The following UGGT2 variants were observed in gnomAD, a reference collection of about 807,000 sequenced individuals.
The protein encoded by UGGT2 is UDP-glucose glycoprotein glucosyltransferase 2.
Under a neutral mutation model 192.1 loss-of-function variants are expected in UGGT2, and 180 were observed. That is an observed-to-expected ratio of 0.94 (90% CI 0.83 to 1.06). The LOEUF is 1.06. UGGT2 is among the 50% of genes least tolerant of loss of function. UGGT2 has a pLI of 0.00. For missense variants in UGGT2, 1,849 were observed against 1,795.7 expected (o/e 1.03, Z -0.54); for synonymous variants, 580 against 591.0 (o/e 0.98, Z 0.27).
chr13:95,862,834 T>A (rs1890286348), intron 31 of UGGT2, among the ~76,000 whole-genome samples: 1 of 152,138 alleles, frequency 6.6e-6, no homozygotes, highest in Non-Finnish European at 1.5e-5. Flanking sequence ...ACTCCTGGAT[T>A]CTTTAGATAT....
intron 5 of UGGT2, among the ~76,000 whole-genome samples, chr13:95,999,937 T>G (rs1045991556): frequency 1.3e-5 from 2 of 152,216 alleles, no homozygotes; most frequent in Non-Finnish European, 2.9e-5. Flanking sequence ...TTTAGTACCT[T>G]TATTTTATTC....
chr13:96,030,612 C>T (rs1343400010), intron 2 of UGGT2, among the ~76,000 whole-genome samples: 1 of 152,150 alleles, frequency 6.6e-6, no homozygotes, highest in Non-Finnish European at 1.5e-5. Context: ...ACATCTGAAA[C>T]TTAGTTTATC....
intron 1 of UGGT2, among the ~76,000 whole-genome samples, chr13:96,032,643 A>C (rs1364882608): frequency 6.6e-6 from 1 of 152,202 alleles, no homozygotes; most frequent in African/African-American, 2.4e-5. Context: ...GCTAAAACAA[A>C]TAGGGTTAAA....
chr13:95,878,867 T>G (rs2140169444), intron 27 of UGGT2, among the ~76,000 whole-genome samples: 1 of 152,298 alleles, frequency 6.6e-6, no homozygotes, highest in Non-Finnish European at 1.5e-5. Flanking sequence ...ATTTTACTGG[T>G]TTTAAGAACA....
chr13:95,846,275 A>G lies in UGGT2; in HGVS notation c.4284+7268T>C, dbSNP rs539909083. Among the ~76,000 whole-genome samples, 696 of 152,146 alleles carry G rather than the reference A, an allele frequency of 4.6e-3. 5 individuals are homozygous for G. The highest frequency in any genetic ancestry group is 0.016 in the African/African-American group (668 of 41,542). Reference sequence around the variant, plus strand: ...CCGTCTCCACCAAAAAAATATGAAAACCAGTCAGGCGTGGCAGCGCGCGCC... The same window carrying G: ...CCGTCTCCACCAAAAAAATATGAAAGCCAGTCAGGCGTGGCAGCGCGCGCC... On this transcript the variant is annotated intron_variant, in intron 36 of 38. Transcript: ENST00000376747.
chr13:95,902,673 C>T (rs7334320), intron 21 of UGGT2, among the ~76,000 whole-genome samples, 181 bp downstream of exon 21: 128,720 of 152,044 alleles, frequency 0.85, 54,691 homozygotes, highest in East Asian at 0.93. Flanking sequence ...ATCTGATTTA[C>T]TAAATGCCTC....
At chr13:96,034,138 T>C (rs539489689) in intron 1 of UGGT2, among the ~76,000 whole-genome samples, 1 of 152,272 alleles carries the variant, frequency 6.6e-6, no homozygotes, top group South Asian at 2.1e-4. Flanking sequence ...GATAATGAGA[T>C]GACCTGCCTG....
rs565525283 is a variant in UGGT2, at chr13:95,802,919, C to T, written c.4529-1107G>A. On this transcript the variant is annotated intron_variant, in intron 38 of 38. Coordinates refer to ENST00000376747, the MANE Select transcript of UGGT2 (RefSeq NM_020121.4). ...TGTGATCTCAGCTCACTGCAAGCTC[C>T]GCCTCCTGGGTTCACACCATTCTCC... 1.2e-4 allele frequency among the ~76,000 whole-genome samples: 19 copies of T among 152,252 alleles called. 1 individual carries two copies. The highest frequency in any genetic ancestry group is 1.4e-4 in the African/African-American group (6 of 41,534).
At chr13:95,966,935 C>T (rs1461636860) in intron 12 of UGGT2, among the ~76,000 whole-genome samples, 1 of 152,114 alleles carries the variant, frequency 6.6e-6, no homozygotes, top group Non-Finnish European at 1.5e-5. Flanking sequence ...TATTTATAAA[C>T]ATAATTTTCA....
chr13:95,803,983 T>C (rs1884185082), intron 38 of UGGT2, among the ~76,000 whole-genome samples: 1 of 151,284 alleles, frequency 6.6e-6, no homozygotes, highest in South Asian at 2.1e-4. Flanking sequence ...TTAGAAAAAA[T>C]CCACGAAACC....
intron 16 of UGGT2, 59 bp from the exon 17 acceptor site, chr13:95,937,147 A>G (rs1405530065): frequency 2.0e-6 from 3 of 1,528,958 alleles, no homozygotes; most frequent in Non-Finnish European, 2.6e-6. Context: ...AATAATAAAC[A>G]TAAGAAAATG....
chr13:95,858,778 T>C (rs149409242), intron 33 of UGGT2, among the ~76,000 whole-genome samples: 10 of 152,306 alleles, frequency 6.6e-5, no homozygotes, highest in African/African-American at 2.4e-4. Context: ...CTGTGCAAGC[T>C]AGTTACGTAA....
Position 95,936,937 on chromosome 13 carries a change from C to CT in UGGT2, c.1963dup (p.Arg655LysfsTer10), listed in dbSNP as rs773876132. ...ATGCTTACCTACCAAAAAAACTTCT[C>CT]TTTGTAAATATACAGATGCATCCAT... On this transcript the variant is annotated frameshift_variant, in exon 17 of 39. Transcript: ENST00000376747. LOFTEE classifies it high-confidence loss of function. 3 of 1,532,694 alleles carry CT rather than the reference C, an allele frequency of 2.0e-6. No homozygotes were observed. Among genetic ancestry groups the CT allele is most frequent in the Middle Eastern group, 1.8e-4 (1 of 5,642 alleles). The allele number at this position is 1,532,694 out of a possible 1,614,324, so 94.9% of individuals were successfully genotyped here.
rs1432654178 is a variant in UGGT2, at chr13:95,853,666, A to G, written c.4170-9T>C. 2 of 1,532,796 alleles carry G rather than the reference A, an allele frequency of 1.3e-6. No homozygotes were observed. Among genetic ancestry groups the G allele is most frequent in the African/African-American group, 1.4e-5 (1 of 70,680 alleles). 94.9% of individuals were successfully genotyped at this position (1,532,796 alleles called of 1,614,324 possible). ...CCACTACATATAAAGCACTGCAAAA[A>G]TGAATTACTTCTTGATAGCCTATGT... On this transcript the variant is annotated splice_polypyrimidine_tract_variant and intron_variant, in intron 35 of 38. Coordinates refer to ENST00000376747, the MANE Select transcript of UGGT2 (RefSeq NM_020121.4).
At chr13:95,952,217 GA>G (rs1219516408) in intron 12 of UGGT2, among the ~76,000 whole-genome samples, 2 of 151,746 alleles carry the variant, frequency 1.3e-5, no homozygotes, top group Admixed American at 6.6e-5. Flanking sequence ...AAAAAAAGAA[GA>G]AAAAAAGAAA....
At chr13:96,004,298 G>C (rs138129981) in intron 5 of UGGT2, among the ~76,000 whole-genome samples, 1 of 152,028 alleles carries the variant, frequency 6.6e-6, no homozygotes. Flanking sequence ...AAAATGTAAT[G>C]ATCAAATCAG....
intron 2 of UGGT2, among the ~76,000 whole-genome samples, chr13:96,029,264 T>C (rs1221154025): frequency 1.3e-5 from 2 of 152,144 alleles, no homozygotes; most frequent in East Asian, 1.9e-4. Flanking sequence ...ATAAAGCCAA[T>C]AGAATTATAT....
chr13:95,810,935 A>G (rs1484381858), intron 38 of UGGT2, among the ~76,000 whole-genome samples: 1 of 152,206 alleles, frequency 6.6e-6, no homozygotes, highest in East Asian at 1.9e-4. Context: ...CAATTCAAAA[A>G]TGGGCAAAGG....
intron 23 of UGGT2, among the ~76,000 whole-genome samples, 188 bp from the exon 24 acceptor site, chr13:95,894,845 C>T (rs1027095939): frequency 3.3e-5 from 5 of 152,064 alleles, no homozygotes; most frequent in African/African-American, 1.2e-4. Flanking sequence ...ACAATAAACA[C>T]CAATAATGGA....
Sources: gnomAD v4.1 joint callset for allele counts (sites outside exome capture counted in the v4.1 genomes callset) on GRCh38, gnomAD v4.1.1 for gene constraint, MANE v1.5 for transcripts, NCBI Gene and HGNC (gene_info 2026-07-23, HGNC 2026-07-21) for gene names.